WDR72: variants seen among roughly 807,000 people sequenced by gnomAD.
WDR72 encodes the protein WD repeat-containing protein 72.
Under a neutral mutation model 124.2 loss-of-function variants are expected in WDR72, and 120 were observed. The observed-to-expected ratio is 0.97, with a 90% CI of 0.83 to 1.12. WDR72 has a LOEUF of 1.12. Among genes scored for constraint, WDR72 ranks in the 50% most tolerant of loss-of-function variants. The pLI is 0.00. For synonymous variants in WDR72, 452 were observed against 441.7 expected, an observed-to-expected ratio of 1.02 and a Z score of -0.29; for missense variants, 1,387 against 1,278.8, an observed-to-expected ratio of 1.08 and a Z score of -1.29.
chr15:53,671,276 A>T (rs1172699002), intron 13 of WDR72, among the ~76,000 whole-genome samples: 2 of 152,058 alleles, frequency 1.3e-5, no homozygotes, highest in African/African-American at 4.8e-5. Context: ...AAACAAACAA[A>T]TTTTTTCCTG....
intron 13 of WDR72, among the ~76,000 whole-genome samples, chr15:53,690,078 A>T: frequency 1.3e-5 from 1 of 74,990 alleles, no homozygotes. Context: ...GGGTGGGGGG[A>T]GGGGGGAGGG....
At chr15:53,739,821 G>C (rs919471115) in intron 1 of WDR72, among the ~76,000 whole-genome samples, 4 of 152,088 alleles carry the variant, frequency 2.6e-5, no homozygotes, top group Non-Finnish European at 5.9e-5. Context: ...AAAGCTTCTG[G>C]GTCACACTGC....
chr15:53,645,054 C>G (rs944568839), intron 14 of WDR72, among the ~76,000 whole-genome samples: 1 of 152,136 alleles, frequency 6.6e-6, no homozygotes, highest in Admixed American at 6.5e-5. Context: ...TGTTTTCTTT[C>G]AGCAATGACT....
chr15:53,720,157 T>C (rs1030978442), intron 3 of WDR72, among the ~76,000 whole-genome samples: 6 of 152,332 alleles, frequency 3.9e-5, no homozygotes, highest in Non-Finnish European at 8.8e-5. Context: ...AAAAGTTACA[T>C]ACTCTTTCTT....
chr15:53,529,182 A>T (rs28514666), intron 18 of WDR72, among the ~76,000 whole-genome samples: 23,024 of 125,806 alleles, frequency 0.18, 2,275 homozygotes, highest in South Asian at 0.21. Flanking sequence ...TTTTTTTTTT[A>T]AAAGAATATA....
chr15:53,691,112 C>T lies in WDR72; in HGVS notation c.1765+8638G>A, dbSNP rs544788126. 3.2e-4 allele frequency among the ~76,000 whole-genome samples: 48 copies of T among 152,262 alleles called. 1 individual carries two copies. The highest frequency in any genetic ancestry group is 6.8e-3 in the Middle Eastern group (2 of 294). ...TCACCCAGGCTGGAGCACAGTGGCA[C>T]GATTACAGCTCACTGCAGCCTCAAC... is the stretch of plus-strand genomic sequence containing the variant. On this transcript the variant is annotated intron_variant, in intron 13 of 19. Transcript: ENST00000360509.
intron 13 of WDR72, among the ~76,000 whole-genome samples, chr15:53,691,083 T>TACC (rs2016823429): frequency 6.6e-6 from 1 of 152,168 alleles, no homozygotes; most frequent in Non-Finnish European, 1.5e-5. Context: ...AGGGTCTCAT[T>TACC]CTGTCACCCA....
At chr15:53,554,709 A>G (rs1042251434) in intron 18 of WDR72, among the ~76,000 whole-genome samples, 3 of 152,158 alleles carry the variant, frequency 2.0e-5, no homozygotes, top group Non-Finnish European at 2.9e-5. Flanking sequence ...GAAGAAAGGA[A>G]GTGAGTTTAC....
intron 1 of WDR72, among the ~76,000 whole-genome samples, chr15:53,757,395 G>C (rs146380531): frequency 0.01 from 1,563 of 152,280 alleles, 16 homozygotes; most frequent in South Asian, 0.064. Flanking sequence ...GGCCGAGGCA[G>C]GTGGATCACT....
intron 3 of WDR72, among the ~76,000 whole-genome samples, chr15:53,717,238 C>T (rs1320146781): frequency 6.6e-6 from 1 of 152,088 alleles, no homozygotes; most frequent in African/African-American, 2.4e-5. Flanking sequence ...AAAACTCTTA[C>T]TTCGTTTATG....
intron 14 of WDR72, among the ~76,000 whole-genome samples, chr15:53,616,563 T>C (rs2013776458): frequency 6.6e-6 from 1 of 151,940 alleles, no homozygotes; most frequent in African/African-American, 2.4e-5. Context: ...ATTATTGTCA[T>C]AAAGACATAC....
chr15:53,643,027 C>T (rs1412240658), intron 14 of WDR72, among the ~76,000 whole-genome samples: 1 of 152,034 alleles, frequency 6.6e-6, no homozygotes, highest in Non-Finnish European at 1.5e-5. Flanking sequence ...TTTTCCTTAT[C>T]TATAAGCTTC....
upstream of WDR72, among the ~76,000 whole-genome samples, chr15:53,760,328 C>G (rs1437307958): frequency 6.6e-6 from 1 of 151,244 alleles, no homozygotes; most frequent in Non-Finnish European, 1.5e-5. Flanking sequence ...TCCCCCACCC[C>G]CCACTACCCT....
chr15:53,603,947 C>G (rs1421350383), intron 17 of WDR72, among the ~76,000 whole-genome samples: 2 of 152,130 alleles, frequency 1.3e-5, no homozygotes, highest in African/African-American at 4.8e-5. Flanking sequence ...ATCAAGCTAT[C>G]AACGTCATTT....
At position 53,715,366 on chromosome 15, in the gene WDR72, T is replaced by C. The variant is rs953631167; in HGVS notation, c.341A>G (p.Tyr114Cys). The change falls in exon 5 of 20, where the codon TAT (tyrosine) becomes TGT (cysteine). Residue 114 changes from tyrosine (Y) to cysteine (C), a missense_variant and splice_region_variant. Transcript: ENST00000360509. The stretch of plus-strand genomic sequence containing the variant: ...TGTCATCCGGAATGAGCAGTGGTAA[T>C]ACTACGTACATGGAAAGCAAAGCAA... ...TLPYRHTAIC[Y>C]YHCSFRMTGE... The C allele has an allele frequency of 6.2e-7, 1 of 1,614,122 alleles. No individual in the cohort carries two copies. Among genetic ancestry groups the C allele is most frequent in the South Asian group, 1.1e-5 (1 of 91,080 alleles).
At chr15:53,578,498 T>C (rs1158313280) in intron 18 of WDR72, among the ~76,000 whole-genome samples, 1 of 151,930 alleles carries the variant, frequency 6.6e-6, no homozygotes, top group Non-Finnish European at 1.5e-5. Context: ...AATAAATAAA[T>C]GAATGATGGG....
At chr15:53,733,383 G>A (rs113905820) in intron 1 of WDR72, among the ~76,000 whole-genome samples, 13 of 152,166 alleles carry the variant, frequency 8.5e-5, no homozygotes, top group Non-Finnish European at 5.9e-5. Flanking sequence ...ACTTATCTTC[G>A]AATTCCTTAT....
intron 18 of WDR72, among the ~76,000 whole-genome samples, chr15:53,530,586 T>C (rs1271591354): frequency 6.6e-6 from 1 of 151,996 alleles, no homozygotes; most frequent in African/African-American, 2.4e-5. Context: ...ACCCACATAT[T>C]GATAAATTGA....
rs1333293382 is a variant in WDR72, at chr15:53,544,725, C to T, written c.3149-21403G>A. ...TAGGAAAAGAGGAAGTCAAATTGTC[C>T]CTGTTTGCAGACGACATGACTGTAT... On this transcript the variant is annotated intron_variant, in intron 18 of 19. Transcript: ENST00000360509. Among the ~76,000 whole-genome samples, 7 of 147,158 alleles carry T rather than the reference C, an allele frequency of 4.8e-5. No homozygotes were observed. In the South Asian group the frequency reaches 1.1e-3, roughly 23 times the overall value.
Sources: gnomAD v4.1 joint callset for allele counts (sites outside exome capture counted in the v4.1 genomes callset) on GRCh38, gnomAD v4.1.1 for gene constraint, MANE v1.5 for transcripts, NCBI Gene and HGNC (gene_info 2026-07-23, HGNC 2026-07-21) for gene names.